Variants in SNAP23 observed in about 807,000 individuals in gnomAD.
The protein encoded by SNAP23 is synaptosomal-associated protein 23.
Under a neutral mutation model 29.0 loss-of-function variants are expected in SNAP23, and 11 were observed. That is an observed-to-expected ratio of 0.38 (90% CI 0.24 to 0.63). SNAP23 has a LOEUF of 0.63. Among genes scored for constraint, SNAP23 ranks in the 20% least tolerant of loss-of-function variants. SNAP23 has a pLI of 0.58. For synonymous variants in SNAP23, 60 were observed against 82.9 expected (o/e 0.72, Z 1.50); for missense variants, 220 against 253.9 (o/e 0.87, Z 0.91).
chr15:42,496,775 G>C (rs937976597), intron 1 of SNAP23, among the ~76,000 whole-genome samples: 3 of 151,968 alleles, frequency 2.0e-5, no homozygotes, highest in Admixed American at 6.6e-5. Flanking sequence ...AAGGAAGGAA[G>C]TTTAATTGAC....
chr15:42,492,062 T>C (rs1042693183), upstream of SNAP23, among the ~76,000 whole-genome samples: 3 of 151,662 alleles, frequency 2.0e-5, no homozygotes, highest in African/African-American at 4.8e-5. Context: ...AGACGTGCAC[T>C]ACCACGCCCA....
chr15:42,501,120 G>T (rs976043744), intron 1 of SNAP23, among the ~76,000 whole-genome samples: 1 of 152,170 alleles, frequency 6.6e-6, no homozygotes, highest in Non-Finnish European at 1.5e-5. Flanking sequence ...AGGAGCATCA[G>T]TTGAGGTCAG....
chr15:42,513,339 T>C (rs1296894174), intron 3 of SNAP23, 60 bp from the exon 4 acceptor site: 1 of 1,448,888 alleles, frequency 6.9e-7, no homozygotes, highest in African/African-American at 1.4e-5. Flanking sequence ...CTTGTAGGTT[T>C]TGTTTCTGTT....
At position 42,513,013 on chromosome 15, in the gene SNAP23, C is replaced by T; in HGVS notation, c.99+17C>T. 1 of 1,583,670 alleles carries T rather than the reference C, an allele frequency of 6.3e-7. No individual in the cohort carries two copies. On this transcript the variant is annotated intron_variant, in intron 3 of 7. Transcript: ENST00000249647. ...GCCATTGAGGTAAGAAAATGTTAGT[C>T]ATCAACTTAAGTATAGAAATTTATA...
intron 1 of SNAP23, among the ~76,000 whole-genome samples, chr15:42,509,986 T>A (rs919066247): frequency 1.3e-5 from 2 of 151,972 alleles, no homozygotes; most frequent in African/African-American, 4.8e-5. Flanking sequence ...GGAGAATTGC[T>A]TGAACCCAGG....
intron 5 of SNAP23, chr15:42,521,691 C>T (rs2057450940): frequency 1.6e-5 from 16 of 1,006,996 alleles, no homozygotes; most frequent in Non-Finnish European, 2.1e-5. Context: ...GTTTGGGCTG[C>T]TAACCTGCTA....
At chr15:42,523,789 C>CTTTTTTG (rs541632087) in intron 5 of SNAP23, among the ~76,000 whole-genome samples, 4 of 151,876 alleles carry the variant, frequency 2.6e-5, no homozygotes, top group African/African-American at 4.8e-5. Context: ...AATGCTGTTA[C>CTTTTTTG]TTTTTTGTTT....
At chr15:42,520,201 C>A (rs1340652426) in intron 5 of SNAP23, among the ~76,000 whole-genome samples, 1 of 151,728 alleles carries the variant, frequency 6.6e-6, no homozygotes. Context: ...CAGGCGTGCA[C>A]CACCACGCCT....
intron 4 of SNAP23, among the ~76,000 whole-genome samples, chr15:42,514,605 A>G (rs1255038419): frequency 6.6e-6 from 1 of 152,084 alleles, no homozygotes; most frequent in Non-Finnish European, 1.5e-5. Context: ...AACCTATTAT[A>G]GAAATGATGG....
At chr15:42,522,974 A>T (rs1047525640) in intron 5 of SNAP23, among the ~76,000 whole-genome samples, 2 of 150,656 alleles carry the variant, frequency 1.3e-5, no homozygotes, top group African/African-American at 4.9e-5. Flanking sequence ...CCTCACGAGT[A>T]ACTGGGATTA....
At chr15:42,501,275 A>G (rs184339363) in intron 1 of SNAP23, among the ~76,000 whole-genome samples, 2 of 152,212 alleles carry the variant, frequency 1.3e-5, no homozygotes, top group African/African-American at 4.8e-5. Flanking sequence ...TTCCTGCCTC[A>G]CCACTGAAGC....
chr15:42,495,108 A>G (rs753158536), upstream of SNAP23, among the ~76,000 whole-genome samples: 1 of 152,192 alleles, frequency 6.6e-6, no homozygotes, highest in Non-Finnish European at 1.5e-5. Context: ...TGTTCTCGAC[A>G]TAAGCTGTTC....
chr15:42,508,990 C>T (rs946169845), intron 1 of SNAP23, among the ~76,000 whole-genome samples: 1 of 151,972 alleles, frequency 6.6e-6, no homozygotes, highest in African/African-American at 2.4e-5. Flanking sequence ...TAGATAACTT[C>T]AGAGCATTAC....
chr15:42,512,765 G>A (rs778963708), intron 2 of SNAP23, among the ~76,000 whole-genome samples, 190 bp from the exon 3 acceptor site: 1 of 151,044 alleles, frequency 6.6e-6, no homozygotes, highest in Non-Finnish European at 1.5e-5. Flanking sequence ...GTCTGGGCTG[G>A]TCTTGAGCTC....
At chr15:42,494,445 A>T (rs2057198564), upstream of SNAP23, among the ~76,000 whole-genome samples, 1 of 149,006 alleles carries the variant, frequency 6.7e-6, no homozygotes, top group Admixed American at 6.7e-5. Flanking sequence ...CCAGTGATAG[A>T]CATTATGATA....
rs1424353500 is a variant in SNAP23 at position 42,532,155 on chromosome 15, G to T, written c.*677G>T. The T allele has an allele frequency of 2.0e-5, 3 of 151,590 alleles. No homozygotes were observed. Among genetic ancestry groups the T allele is most frequent in the Non-Finnish European group, 4.4e-5 (3 of 67,972 alleles). The allele number at this position is 151,590 out of a possible 1,614,324, so 9.4% of individuals were successfully genotyped here. On this transcript the variant is annotated 3_prime_UTR_variant, in exon 8 of 8. Transcript: ENST00000249647. Reference sequence around the variant, plus strand: ...TGTCCAGGCTGGAGTGCAATAGCGCGATCTGGGCTCACTGCAACCTCCGCC... The same window carrying T: ...TGTCCAGGCTGGAGTGCAATAGCGCTATCTGGGCTCACTGCAACCTCCGCC...
At chr15:42,509,440 C>CTTTT (rs34486893) in intron 1 of SNAP23, among the ~76,000 whole-genome samples, 1 of 134,012 alleles carries the variant, frequency 7.5e-6, no homozygotes, top group African/African-American at 2.7e-5. Flanking sequence ...GGCTCAAAAT[C>CTTTT]TTTTTTTTTT....
upstream of SNAP23, among the ~76,000 whole-genome samples, chr15:42,491,839 TC>T (rs2057167669): frequency 1.3e-5 from 2 of 152,062 alleles, no homozygotes; most frequent in Non-Finnish European, 2.9e-5. Flanking sequence ...GCCTTGGCCT[TC>T]CAAAGTTCTG....
upstream of SNAP23, among the ~76,000 whole-genome samples, chr15:42,493,934 C>G (rs1466456041): frequency 6.6e-6 from 1 of 152,076 alleles, no homozygotes; most frequent in East Asian, 1.9e-4. Context: ...CTTTCTCCCT[C>G]CCTGCCCTCT....
Sources: gnomAD v4.1 joint callset for allele counts (sites outside exome capture counted in the v4.1 genomes callset) on GRCh38, gnomAD v4.1.1 for gene constraint, MANE v1.5 for transcripts, NCBI Gene and HGNC (gene_info 2026-07-23, HGNC 2026-07-21) for gene names.